Variants in SORCS2 observed in about 807,000 individuals in gnomAD.
SORCS2 encodes VPS10 domain-containing receptor SorCS2.
A neutral mutation model predicts 141.6 loss-of-function variants in SORCS2; 100 were observed. The ratio of observed to expected loss-of-function variants is 0.71; its 90% CI spans 0.60 to 0.83. The LOEUF (loss-of-function observed/expected upper bound fraction) is 0.83. Among genes scored for constraint, SORCS2 ranks in the 40% least tolerant of loss-of-function variants. The pLI, the probability that SORCS2 is intolerant of heterozygous loss-of-function variation, is 0.00. For synonymous variants in SORCS2, 789 were observed against 676.9 expected (o/e 1.17, Z -2.57); for missense variants, 1,646 against 1,560.2 (o/e 1.05, Z -0.93).
intron 25 of SORCS2, among the ~76,000 whole-genome samples, chr4:7,734,790 C>T (rs1378111212): frequency 1.3e-5 from 2 of 152,222 alleles, no homozygotes; most frequent in Non-Finnish European, 2.9e-5. Context: ...GCCCACATCC[C>T]AGGGTTCCTC....
At chr4:7,253,985 C>T (rs565015649) in intron 1 of SORCS2, among the ~76,000 whole-genome samples, 1 of 152,138 alleles carries the variant, frequency 6.6e-6, no homozygotes, top group East Asian at 1.9e-4. Context: ...ATCATCTCAC[C>T]CCAGTCAGAA....
intron 2 of SORCS2, among the ~76,000 whole-genome samples, chr4:7,499,274 C>T (rs1468293185): frequency 4.6e-5 from 7 of 152,106 alleles, no homozygotes; most frequent in African/African-American, 1.4e-4. Context: ...GGTCGGGGGA[C>T]AGTGAGACGA....
Position 7,640,179 on chromosome 4 carries a change from TGA to T in SORCS2, c.813+1691_813+1692del, listed in dbSNP as rs548684755. The stretch of plus-strand genomic sequence containing the variant: ...GTGTATGGGCATGTGTGGGTGAGTG[TGA>T]GAGCCTATGTGAGTGTGAGTGTGTA... On this transcript the variant is annotated intron_variant, in intron 4 of 26. Coordinates refer to ENST00000507866, the MANE Select transcript of SORCS2 (RefSeq NM_020777.3). 8.1e-3 allele frequency among the ~76,000 whole-genome samples: 533 copies of T among 65,784 alleles called. 3 individuals carry two copies. The highest frequency in any genetic ancestry group is 0.028 in the African/African-American group (506 of 18,266). The allele number at this position is 65,784 out of a possible 152,430, so 43.2% of individuals were successfully genotyped here. A position where few individuals can be genotyped will look rare whatever the true frequency, so the allele number is the denominator to read the frequency against.
In SORCS2 at chr4:7,706,161, C is replaced by T. The variant is rs112999883; in HGVS notation, c.1868+1877C>T. Among the ~76,000 whole-genome samples, 431 of 83,128 alleles carry T rather than the reference C, an allele frequency of 5.2e-3. 63 individuals carry two copies. Among genetic ancestry groups the T allele is most frequent in the Admixed American group, 0.01 (71 of 7,044 alleles). The allele number at this position is 83,128 out of a possible 152,430, so 54.5% of individuals were successfully genotyped here. A position where few individuals can be genotyped will look rare whatever the true frequency, so the allele number is the denominator to read the frequency against. On this transcript the variant is annotated intron_variant, in intron 14 of 26. Coordinates refer to ENST00000507866, the MANE Select transcript of SORCS2 (RefSeq NM_020777.3). Reference sequence around the variant, plus strand: ...CCTGGACAGAGAAGAGGCTGGGCTCCGTCTGGGCAGGGATGAGGCTGGGCT... The same window carrying T: ...CCTGGACAGAGAAGAGGCTGGGCTCTGTCTGGGCAGGGATGAGGCTGGGCT...
chr4:7,620,889 C>G (rs1394915259), intron 3 of SORCS2, among the ~76,000 whole-genome samples: 2 of 152,190 alleles, frequency 1.3e-5, no homozygotes, highest in Admixed American at 1.3e-4. Context: ...TTCTCCTGCT[C>G]CTCGGCCACG....
At chr4:7,675,073 T>C (rs7675519) in intron 8 of SORCS2, among the ~76,000 whole-genome samples, 7,085 of 152,248 alleles carry the variant, frequency 0.047, 536 homozygotes, top group African/African-American at 0.16. Flanking sequence ...TGGGCCTGTC[T>C]GGACCCTTTT....
chr4:7,605,545 A>T (rs1297936831), intron 3 of SORCS2, among the ~76,000 whole-genome samples: 2 of 152,144 alleles, frequency 1.3e-5, no homozygotes, highest in African/African-American at 2.4e-5. Context: ...TTTTCTTGCA[A>T]GCTTAACAGT....
chr4:7,352,229 G>T (rs531425140), intron 1 of SORCS2, among the ~76,000 whole-genome samples: 1 of 152,368 alleles, frequency 6.6e-6, no homozygotes, highest in Admixed American at 6.5e-5. Context: ...AGCTTCCAGA[G>T]CTTGGGCTGT....
At chr4:7,400,461 CCCA>C (rs71173499) in intron 2 of SORCS2, among the ~76,000 whole-genome samples, 5 of 151,206 alleles carry the variant, frequency 3.3e-5, no homozygotes, top group Non-Finnish European at 7.4e-5. Flanking sequence ...TATGGTTTGC[CCCA>C]CCACCACCAC....
chr4:7,662,783 G>A (rs1343313397), intron 6 of SORCS2, among the ~76,000 whole-genome samples: 1 of 152,142 alleles, frequency 6.6e-6, no homozygotes, highest in Non-Finnish European at 1.5e-5. Flanking sequence ...GCATGGCCAT[G>A]TGGGGTTGTT....
chr4:7,292,399 AACCC>A (rs1716673259), intron 1 of SORCS2, among the ~76,000 whole-genome samples: 1 of 152,208 alleles, frequency 6.6e-6, no homozygotes, highest in African/African-American at 2.4e-5. Flanking sequence ...AGATAAGAGG[AACCC>A]AGAGATCTGA....
intron 2 of SORCS2, among the ~76,000 whole-genome samples, chr4:7,459,180 G>A (rs374434848): frequency 2.7e-4 from 41 of 152,204 alleles, no homozygotes; most frequent in African/African-American, 9.2e-4. Context: ...GCTCAGATCC[G>A]AGCCCTCCCT....
chr4:7,421,404 G>T (rs1726039557), intron 2 of SORCS2, among the ~76,000 whole-genome samples: 1 of 152,212 alleles, frequency 6.6e-6, no homozygotes, highest in Non-Finnish European at 1.5e-5. Context: ...CTTTCGGGAA[G>T]TGACTTTCCC....
chr4:7,237,893 C>T (rs903099809), intron 1 of SORCS2, among the ~76,000 whole-genome samples: 1 of 151,952 alleles, frequency 6.6e-6, no homozygotes, highest in Non-Finnish European at 1.5e-5. Flanking sequence ...CATGATCCAT[C>T]TGAAATGTGT....
At chr4:7,270,541 T>TC (rs942240914) in intron 1 of SORCS2, among the ~76,000 whole-genome samples, 5 of 152,116 alleles carry the variant, frequency 3.3e-5, no homozygotes, top group African/African-American at 1.2e-4. Context: ...TCACACCACA[T>TC]CCCCCTGAAG....
chr4:7,641,596 G>A (rs1288821989), intron 4 of SORCS2, among the ~76,000 whole-genome samples: 4 of 152,204 alleles, frequency 2.6e-5, no homozygotes, highest in East Asian at 1.9e-4. Flanking sequence ...ATGCAATTGG[G>A]GTAAGCTCTT....
chr4:7,710,297 C>T (rs970686711), intron 14 of SORCS2, among the ~76,000 whole-genome samples: 6 of 152,174 alleles, frequency 3.9e-5, no homozygotes, highest in Non-Finnish European at 8.8e-5. Flanking sequence ...CTGCCCTGGC[C>T]GGGTCCCTTG....
intron 1 of SORCS2, among the ~76,000 whole-genome samples, chr4:7,238,385 AT>A (rs916572295): frequency 2.6e-5 from 4 of 151,988 alleles, no homozygotes; most frequent in African/African-American, 9.7e-5. Flanking sequence ...CTGTTGTTAA[AT>A]TTTTTTTAAG....
At chr4:7,264,480 A>G (rs986804658) in intron 1 of SORCS2, among the ~76,000 whole-genome samples, 1 of 151,958 alleles carries the variant, frequency 6.6e-6, no homozygotes, top group African/African-American at 2.4e-5. Flanking sequence ...CACTGCCTGG[A>G]CCCCGTCGAG....
Sources: allele counts gnomAD v4.1 joint callset (sites outside exome capture counted in the v4.1 genomes callset), GRCh38; gene constraint gnomAD v4.1.1; transcripts MANE v1.5; gene names NCBI Gene and HGNC (gene_info 2026-07-23, HGNC 2026-07-21).